The following CLVS1 variants were observed in gnomAD, a reference collection of about 807,000 sequenced individuals.
CLVS1 encodes the protein clavesin 1.
In CLVS1, 10 loss-of-function variants were observed where a neutral mutation model predicts 33.1. The ratio of observed to expected loss-of-function variants is 0.30; its 90% CI spans 0.19 to 0.51. The LOEUF (loss-of-function observed/expected upper bound fraction) is 0.51, where lower values mean the gene tolerates loss of function less well. Ranked by LOEUF, CLVS1 falls within the 20% of genes least tolerant of loss-of-function variation. The pLI, the probability that CLVS1 is intolerant of heterozygous loss-of-function variation, is 0.97. For synonymous variants in CLVS1, 163 were observed against 166.1 expected, an observed-to-expected ratio of 0.98 and a Z score of 0.14; for missense variants, 343 against 433.4, an observed-to-expected ratio of 0.79 and a Z score of 1.85.
chr8:61,428,819 C>T (rs569253763), intron 3 of CLVS1, among the ~76,000 whole-genome samples: 5 of 152,106 alleles, frequency 3.3e-5, no homozygotes, highest in African/African-American at 4.8e-5. Flanking sequence ...GTTTTGCATC[C>T]CACAGATATT....
intron 2 of CLVS1, among the ~76,000 whole-genome samples, chr8:61,315,023 G>A (rs996536492): frequency 6.6e-6 from 1 of 152,164 alleles, no homozygotes; most frequent in Non-Finnish European, 1.5e-5. Context: ...CAGCAGGCAA[G>A]CATGAAGTAT....
At chr8:61,353,193 C>A (rs1812546579) in intron 2 of CLVS1, among the ~76,000 whole-genome samples, 1 of 152,006 alleles carries the variant, frequency 6.6e-6, no homozygotes, top group Non-Finnish European at 1.5e-5. Flanking sequence ...AATCAACCAA[C>A]AGGATCTAAT....
At chr8:61,122,569 AACACACACACACAC>A (rs4033855) in intron 1 of CLVS1, among the ~76,000 whole-genome samples, 36 of 144,640 alleles carry the variant, frequency 2.5e-4, no homozygotes, top group East Asian at 1.0e-3. Context: ...ATATTAAGAA[AACACACACACACAC>A]ACACACACAC....
rs1804476783 is a variant in CLVS1 at position 61,499,454 on chromosome 8, G to C, written c.978-1G>C. 1 of 1,609,650 alleles carries C rather than the reference G, an allele frequency of 6.2e-7. No homozygotes were observed. Among genetic ancestry groups the C allele is most frequent in the African/African-American group, 1.3e-5 (1 of 74,812 alleles). On this transcript the variant is annotated splice_acceptor_variant, in intron 5 of 5. Coordinates refer to ENST00000325897, the MANE Select transcript of CLVS1 (RefSeq NM_173519.3). LOFTEE classifies it high-confidence loss of function. Reference sequence around the variant, plus strand: ...TGTCTTTTTCCCTCCCCTCTTGTTAGATCTCAGTCTGTGGTAGAAGCTGGG... The same window carrying C: ...TGTCTTTTTCCCTCCCCTCTTGTTACATCTCAGTCTGTGGTAGAAGCTGGG...
At chr8:61,212,511 C>A (rs973059077) in intron 2 of CLVS1, among the ~76,000 whole-genome samples, 2 of 151,950 alleles carry the variant, frequency 1.3e-5, no homozygotes. Flanking sequence ...CACAGAGGAG[C>A]CATTGAAAGG....
At chr8:61,350,165 A>G (rs944435026) in intron 2 of CLVS1, among the ~76,000 whole-genome samples, 3 of 152,106 alleles carry the variant, frequency 2.0e-5, no homozygotes, top group Non-Finnish European at 4.4e-5. Context: ...TGTTTATTTT[A>G]TTAGCTCAAT....
At chr8:61,332,714 C>A (rs902434757) in intron 2 of CLVS1, among the ~76,000 whole-genome samples, 10 of 152,164 alleles carry the variant, frequency 6.6e-5, no homozygotes, top group African/African-American at 7.2e-5. Context: ...GATCTTGGCT[C>A]ACTGCAACCT....
At chr8:60,984,550 A>C in the CLVS1 span, among the ~76,000 whole-genome samples, 3 of 151,456 alleles carry the variant, frequency 2.0e-5, no homozygotes, top group Non-Finnish European at 4.4e-5. Flanking sequence ...CTGGTCTCGA[A>C]CTCCTGACCT....
chr8:61,140,036 G>A (rs768633781), intron 2 of CLVS1, among the ~76,000 whole-genome samples: 2 of 152,116 alleles, frequency 1.3e-5, no homozygotes, highest in Non-Finnish European at 1.5e-5. Context: ...TCTCCGCCAC[G>A]GACCCCAAGC....
intron 2 of CLVS1, among the ~76,000 whole-genome samples, chr8:61,212,942 C>A (rs1173984545): frequency 6.6e-6 from 1 of 152,124 alleles, no homozygotes; most frequent in African/African-American, 2.4e-5. Context: ...CTTGGAAACA[C>A]CTGCTTAAGA....
At chr8:61,275,342 A>G (rs1316726954) in intron 2 of CLVS1, among the ~76,000 whole-genome samples, 1 of 152,106 alleles carries the variant, frequency 6.6e-6, no homozygotes, top group African/African-American at 2.4e-5. Context: ...CCCAGTTTTT[A>G]TCAATAAGGA....
At chr8:61,270,930 G>A (rs1028362090) in intron 2 of CLVS1, among the ~76,000 whole-genome samples, 16 of 151,322 alleles carry the variant, frequency 1.1e-4, no homozygotes, top group South Asian at 2.1e-4. Flanking sequence ...TCTTGCTAGC[G>A]GTCTATCAAT....
intron 2 of CLVS1, among the ~76,000 whole-genome samples, chr8:61,173,097 A>G (rs1807040213): frequency 6.6e-6 from 1 of 152,076 alleles, no homozygotes; most frequent in Admixed American, 6.5e-5. Context: ...CTTTCCCTCT[A>G]CAATGGCATC....
In CLVS1 at chr8:61,202,429, A is replaced by G; in HGVS notation, c.-152+70569A>G. On this transcript the variant is annotated intron_variant, in intron 2 of 2. Coordinates refer to the CLVS1 transcript ENST00000522621. ...TTTTGGTTGTGAACTAAAGGCTGACAAAGATTGTCACTTTAAGGTGGATAA... is the reference window on the plus strand; with the variant it reads ...TTTTGGTTGTGAACTAAAGGCTGACGAAGATTGTCACTTTAAGGTGGATAA... 17 of 777,992 alleles carry G rather than the reference A, an allele frequency of 2.2e-5. 1 individual carries two copies. The highest frequency in any genetic ancestry group is 1.2e-4 in the African/African-American group (7 of 59,324). 48.2% of individuals were successfully genotyped at this position (777,992 alleles called of 1,614,324 possible). A position where few individuals can be genotyped will look rare whatever the true frequency, so the allele number is the denominator to read the frequency against.
At position 61,408,410 on chromosome 8, in the gene CLVS1, G is replaced by A. The variant is rs556846820; in HGVS notation, c.630+31631G>A. Among the ~76,000 whole-genome samples the A allele has an allele frequency of 5.9e-5, 9 of 152,306 alleles. No individual in the cohort carries two copies. In the South Asian group the frequency reaches 1.9e-3, roughly 32 times the overall value. ...ATTCGATTGAAAAGACAGGCAAGTGGAAGCTTTCTCCTTCCCCTAGCTGCC... is the reference window on the plus strand; with the variant it reads ...ATTCGATTGAAAAGACAGGCAAGTGAAAGCTTTCTCCTTCCCCTAGCTGCC... On this transcript the variant is annotated intron_variant, in intron 3 of 5. Coordinates refer to ENST00000325897, the MANE Select transcript of CLVS1 (RefSeq NM_173519.3).
intron 2 of CLVS1, among the ~76,000 whole-genome samples, chr8:61,322,371 T>G (rs1188192502): frequency 6.6e-6 from 1 of 152,156 alleles, no homozygotes; most frequent in South Asian, 2.1e-4. Context: ...AAAGTGCACA[T>G]TGACTATAAA....
At chr8:61,416,813 C>T (rs1048974411) in intron 3 of CLVS1, among the ~76,000 whole-genome samples, 7 of 152,200 alleles carry the variant, frequency 4.6e-5, no homozygotes, top group East Asian at 3.9e-4. Context: ...GATTATTTAC[C>T]GTAATCTACC....
chr8:61,474,377 T>A (rs916630612), intron 5 of CLVS1, among the ~76,000 whole-genome samples: 7 of 152,146 alleles, frequency 4.6e-5, no homozygotes, highest in African/African-American at 1.7e-4. Context: ...GTTATGAAGA[T>A]GCAGCGGGCT....
chr8:61,219,967 A>G (rs757417930), intron 2 of CLVS1, among the ~76,000 whole-genome samples: 13 of 152,140 alleles, frequency 8.5e-5, no homozygotes, highest in Non-Finnish European at 1.8e-4. Flanking sequence ...GAGTTTGTTC[A>G]TATCCTTTGC....
Sources: gnomAD v4.1 joint callset for allele counts (sites outside exome capture counted in the v4.1 genomes callset) on GRCh38, gnomAD v4.1.1 for gene constraint, MANE v1.5 for transcripts, NCBI Gene and HGNC (gene_info 2026-07-23, HGNC 2026-07-21) for gene names.